RHOBTB3: variants seen among roughly 807,000 people sequenced by gnomAD.
RHOBTB3 encodes rho-related BTB domain-containing protein 3.
A neutral mutation model predicts 67.2 loss-of-function variants in RHOBTB3; 47 were observed. The ratio of observed to expected loss-of-function variants is 0.70; its 90% CI spans 0.55 to 0.89. The LOEUF (loss-of-function observed/expected upper bound fraction) is 0.89. Ranked by LOEUF, RHOBTB3 falls within the 40% of genes least tolerant of loss-of-function variation. The pLI is 0.00. For missense variants in RHOBTB3, 631 were observed against 750.0 expected, an observed-to-expected ratio of 0.84 and a Z score of 1.85; for synonymous variants, 273 against 274.2, an observed-to-expected ratio of 1.00 and a Z score of 0.04.
rs147963945 is a variant in RHOBTB3, at chr5:95,740,022, T to C, written c.415+2947T>C. ...GTCATGGGAGGGACCTGGTGGGAGG[T>C]GGTTGAATCATGGGAGCGGGTTTTT... On this transcript the variant is annotated intron_variant, in intron 3 of 11. Coordinates refer to ENST00000379982, the MANE Select transcript of RHOBTB3 (RefSeq NM_014899.4). Among the ~76,000 whole-genome samples the C allele has an allele frequency of 4.0e-5, 6 of 151,880 alleles. No homozygotes were observed. The East Asian group carries it at 1.2e-3, about 29-fold the overall frequency.
intron 2 of RHOBTB3, among the ~76,000 whole-genome samples, chr5:95,735,478 G>A (rs1381612752): frequency 6.6e-6 from 1 of 152,152 alleles, no homozygotes; most frequent in African/African-American, 2.4e-5. Flanking sequence ...CCTCCAGAAT[G>A]TGCCATCGTA....
intron 2 of RHOBTB3, among the ~76,000 whole-genome samples, chr5:95,736,481 T>C (rs1452038963): frequency 6.6e-6 from 1 of 152,248 alleles, no homozygotes; most frequent in African/African-American, 2.4e-5. Context: ...AATCCTGCAG[T>C]GTCTAACTGG....
chr5:95,787,304 A>G (rs984610072), intron 10 of RHOBTB3, among the ~76,000 whole-genome samples: 4 of 152,216 alleles, frequency 2.6e-5, no homozygotes, highest in Admixed American at 1.3e-4. Flanking sequence ...TTCATCTGCT[A>G]AAAGATAAGG....
intron 3 of RHOBTB3, among the ~76,000 whole-genome samples, chr5:95,747,642 A>C (rs575889922): frequency 6.6e-6 from 1 of 152,228 alleles, no homozygotes; most frequent in African/African-American, 2.4e-5. Flanking sequence ...TACATGGTAC[A>C]ACTGTGAATT....
chr5:95,793,244 A>G lies in RHOBTB3; in HGVS notation c.*70A>G, dbSNP rs749789793. 3.9e-6 allele frequency: 4 copies of G among 1,036,868 alleles called. No individual in the cohort carries two copies. Among genetic ancestry groups the G allele is most frequent in the Non-Finnish European group, 5.7e-6 (4 of 700,972 alleles). 64.2% of individuals were successfully genotyped at this position (1,036,868 alleles called of 1,614,324 possible). A position where few individuals can be genotyped will look rare whatever the true frequency, so the allele number is the denominator to read the frequency against. ...AATGGGATACCTCCAGGTTCCAGTA[A>G]AATTCTTCTGACCGAAACCAATGTG... is the stretch of plus-strand genomic sequence containing the variant. On this transcript the variant is annotated 3_prime_UTR_variant, in exon 12 of 12. Coordinates refer to ENST00000379982, the MANE Select transcript of RHOBTB3 (RefSeq NM_014899.4).
chr5:95,739,971 A>C (rs1755552761), intron 3 of RHOBTB3, among the ~76,000 whole-genome samples: 1 of 152,128 alleles, frequency 6.6e-6, no homozygotes, highest in Non-Finnish European at 1.5e-5. Context: ...CACAAATCTC[A>C]CGTTGAATTG....
chr5:95,784,700 A>G (rs753690610), intron 10 of RHOBTB3, among the ~76,000 whole-genome samples: 4 of 152,206 alleles, frequency 2.6e-5, no homozygotes, highest in Non-Finnish European at 5.9e-5. Flanking sequence ...AACTAGGACT[A>G]CTGTGTTGAA....
intron 4 of RHOBTB3, chr5:95,751,567 G>T (rs1273080256): frequency 6.6e-6 from 1 of 151,596 alleles, no homozygotes; most frequent in Non-Finnish European, 1.5e-5. Flanking sequence ...TAGGTTCAGG[G>T]GTACATATTT....
chr5:95,729,673 C>T (rs747865534), upstream of RHOBTB3, among the ~76,000 whole-genome samples: 9 of 152,122 alleles, frequency 5.9e-5, no homozygotes, highest in Non-Finnish European at 1.2e-4. Context: ...GAACAACGCC[C>T]CCTTTTCCCC....
intron 11 of RHOBTB3, 35 bp downstream of exon 11, chr5:95,788,893 T>C: frequency 7.9e-7 from 1 of 1,265,370 alleles, no homozygotes; most frequent in Non-Finnish European, 1.1e-6. Context: ...AAAGAAAACT[T>C]TATGTTCTTT....
At chr5:95,721,382 G>A (rs1277711662) in intron 1 of RHOBTB3, among the ~76,000 whole-genome samples, 3 of 152,286 alleles carry the variant, frequency 2.0e-5, no homozygotes, top group Non-Finnish European at 4.4e-5. Context: ...GAACTGGAGG[G>A]AGCTGGTAAC....
chr5:95,725,488 A>G (rs1260654455), intron 1 of RHOBTB3, among the ~76,000 whole-genome samples: 16 of 152,284 alleles, frequency 1.1e-4, no homozygotes, highest in Non-Finnish European at 2.4e-4. Flanking sequence ...GTGTGCACAC[A>G]CACAAGCGCA....
At chr5:95,783,191 C>T (rs550509717) in intron 9 of RHOBTB3, among the ~76,000 whole-genome samples, 21 of 151,602 alleles carry the variant, frequency 1.4e-4, no homozygotes, top group African/African-American at 3.4e-4. Context: ...GCATGATCTC[C>T]GCTCACTGCA....
intron 11 of RHOBTB3, chr5:95,789,060 G>A (rs1328855802): frequency 2.2e-6 from 1 of 457,262 alleles, no homozygotes; most frequent in Non-Finnish European, 3.8e-6. Context: ...TGTTACACAA[G>A]AAGTTTTCTA....
At chr5:95,769,386 G>A (rs945057928) in intron 8 of RHOBTB3, 10 of 376,798 alleles carry the variant, frequency 2.7e-5, no homozygotes, top group Admixed American at 1.9e-4. Context: ...GAAAGTCTTC[G>A]AGAAGATTAC....
intron 6 of RHOBTB3, 147 bp downstream of exon 6, chr5:95,755,908 TTATATA>T: frequency 1.3e-6 from 1 of 775,262 alleles, no homozygotes; most frequent in Non-Finnish European, 2.0e-6. Context: ...ATTATTTGCT[TTATATA>T]TAAGAATTGG....
At chr5:95,734,667 C>T (rs1039773996) in intron 2 of RHOBTB3, among the ~76,000 whole-genome samples, 2 of 152,028 alleles carry the variant, frequency 1.3e-5, no homozygotes, top group African/African-American at 2.4e-5. Flanking sequence ...TGGTGTGGTA[C>T]ATTATTATTT....
rs1373862981 is a variant in RHOBTB3 at position 95,723,130 on chromosome 5, A to G, written n.133+5365A>G. On this transcript the variant is annotated intron_variant and non_coding_transcript_variant, in intron 1 of 5. Transcript: ENST00000504949. ...CCTGGGCCACACTGGAAGAAAAAGAATTGTCTTGGGCCACACATAAACTAC... is the reference window on the plus strand; with the variant it reads ...CCTGGGCCACACTGGAAGAAAAAGAGTTGTCTTGGGCCACACATAAACTAC... 2.0e-5 allele frequency among the ~76,000 whole-genome samples: 3 copies of G among 152,294 alleles called. No homozygotes were observed. In the East Asian group the frequency reaches 5.8e-4, roughly 29 times the overall value.
At chr5:95,741,303 G>T (rs1755588373) in intron 3 of RHOBTB3, among the ~76,000 whole-genome samples, 1 of 149,850 alleles carries the variant, frequency 6.7e-6, no homozygotes, top group South Asian at 2.1e-4. Context: ...ACTCCAGCCT[G>T]GACGACAGAG....
Sources: allele counts gnomAD v4.1 joint callset (sites outside exome capture counted in the v4.1 genomes callset), GRCh38; gene constraint gnomAD v4.1.1; transcripts MANE v1.5; gene names NCBI Gene and HGNC (gene_info 2026-07-23, HGNC 2026-07-21).